The following SYN2 variants were observed in gnomAD, a reference collection of about 807,000 sequenced individuals.
The protein encoded by SYN2 is synapsin-2.
SYN2 carries 19 observed loss-of-function variants against 50.9 expected under a neutral mutation model. The ratio of observed to expected loss-of-function variants is 0.37; its 90% CI spans 0.26 to 0.55. The LOEUF (loss-of-function observed/expected upper bound fraction) is 0.55. Among genes scored for constraint, SYN2 ranks in the 20% least tolerant of loss-of-function variants. SYN2 has a pLI of 0.81. For missense variants in SYN2, 587 were observed against 576.4 expected, an observed-to-expected ratio of 1.02 and a Z score of -0.19; for synonymous variants, 255 against 224.9, an observed-to-expected ratio of 1.13 and a Z score of -1.20.
chr3:12,161,735 C>T, intron 6 of SYN2, 127 bp downstream of exon 6: 1 of 1,220,032 alleles, frequency 8.2e-7, no homozygotes, highest in Non-Finnish European at 1.2e-6. Flanking sequence ...GATGATTTGC[C>T]ACCTCTAAAG....
rs542356281 is a variant in SYN2 at position 12,139,581 on chromosome 3, G to C, written c.378-1070G>C. On this transcript the variant is annotated intron_variant, in intron 1 of 12. Transcript: ENST00000621198. ...GTCTCTGAAATGAAGCCCTTTCTCTGTATCTTATACGTTGTTAGGACTAAA... is the reference window on the plus strand; with the variant it reads ...GTCTCTGAAATGAAGCCCTTTCTCTCTATCTTATACGTTGTTAGGACTAAA... Among the ~76,000 whole-genome samples, 16 of 152,266 alleles carry C rather than the reference G, an allele frequency of 1.1e-4. No individual in the cohort carries two copies. The South Asian group carries it at 3.3e-3, about 32-fold the overall frequency.
chr3:12,080,226 A>G (rs556325076), intron 1 of SYN2, among the ~76,000 whole-genome samples: 54 of 148,816 alleles, frequency 3.6e-4, no homozygotes, highest in Non-Finnish European at 7.1e-4. Flanking sequence ...AGTCTATTTT[A>G]TGAATTTTTT....
At chr3:12,038,377 T>TAA (rs550261284) in intron 1 of SYN2, among the ~76,000 whole-genome samples, 18 of 152,246 alleles carry the variant, frequency 1.2e-4, no homozygotes, top group African/African-American at 4.3e-4. Context: ...TGTTGTTTTT[T>TAA]AAAAAAAAAC....
chr3:12,022,278 GTC>G (rs1055704265), intron 1 of SYN2, among the ~76,000 whole-genome samples: 8 of 152,074 alleles, frequency 5.3e-5, no homozygotes, highest in African/African-American at 1.9e-4. Flanking sequence ...ACACTGGATA[GTC>G]TCCTCCAAAT....
Position 12,104,570 on chromosome 3 carries a change from C to CTTTTTTTTTTTTT in SYN2, c.378-36071_378-36059dup, listed in dbSNP as rs796837275. Among the ~76,000 whole-genome samples, 14 of 81,714 alleles carry CTTTTTTTTTTTTT rather than the reference C, an allele frequency of 1.7e-4. 2 individuals are homozygous for CTTTTTTTTTTTTT. Among genetic ancestry groups the CTTTTTTTTTTTTT allele is most frequent in the African/African-American group, 3.5e-4 (7 of 19,818 alleles). The allele number at this position is 81,714 out of a possible 152,430, so 53.6% of individuals were successfully genotyped here. A position where few individuals can be genotyped will look rare whatever the true frequency, so the allele number is the denominator to read the frequency against. On this transcript the variant is annotated intron_variant, in intron 1 of 12. Coordinates refer to ENST00000621198, the MANE Select transcript of SYN2 (RefSeq NM_133625.6). ...ATGTGAAACATTTTTCTTTTCTTTT[C>CTTTTTTTTTTTTT]TTTTTTTTTTTTTTTTTTTTTTGAG...
intron 5 of SYN2, chr3:12,153,600 C>G (rs372552859): frequency 3.1e-6 from 5 of 1,613,968 alleles, no homozygotes; most frequent in South Asian, 1.1e-5. Flanking sequence ...ATGCTTCATA[C>G]AGACATAATG....
intron 1 of SYN2, among the ~76,000 whole-genome samples, chr3:12,052,597 A>G (rs769635698): frequency 2.0e-5 from 3 of 152,196 alleles, no homozygotes; most frequent in Non-Finnish European, 4.4e-5. Flanking sequence ...ACCATTGTAG[A>G]TCCCTGATCT....
intron 1 of SYN2, 42 bp downstream of exon 1, chr3:12,004,970 C>T: frequency 4.3e-6 from 2 of 470,542 alleles, no homozygotes; most frequent in Non-Finnish European, 3.7e-6. Context: ...CGGGGTCCGC[C>T]GGCAGCCGCA....
intron 11 of SYN2, 91 bp from the exon 12 acceptor site, chr3:12,187,278 A>G (rs1470736320): frequency 1.4e-6 from 2 of 1,437,382 alleles, no homozygotes; most frequent in African/African-American, 2.9e-5. Context: ...CCTTTGGGTA[A>G]TTAACTAACC....
intron 1 of SYN2, among the ~76,000 whole-genome samples, chr3:12,127,155 AGGCTAACC>A (rs1013789371): frequency 1.3e-5 from 2 of 152,226 alleles, no homozygotes; most frequent in Non-Finnish European, 2.9e-5. Flanking sequence ...CTAGGTTTTC[AGGCTAACC>A]AGCTTGAGTT....
chr3:12,166,775 G>T (rs1264794516), intron 7 of SYN2, among the ~76,000 whole-genome samples: 1 of 152,214 alleles, frequency 6.6e-6, no homozygotes, highest in African/African-American at 2.4e-5. Flanking sequence ...AATTCAGTTT[G>T]TATGTATCAA....
chr3:12,037,166 G>A lies in SYN2; in HGVS notation c.377+32238G>A, dbSNP rs1465389503. Among the ~76,000 whole-genome samples the A allele has an allele frequency of 3.9e-5, 6 of 152,138 alleles. 1 individual carries two copies. The East Asian group carries it at 7.7e-4, about 19-fold the overall frequency. On this transcript the variant is annotated intron_variant, in intron 1 of 12. Coordinates refer to ENST00000621198, the MANE Select transcript of SYN2 (RefSeq NM_133625.6). ...CTACATTCTGATTATGGCCACTTAA[G>A]TAATCCCTAAAAAGATTTAGGCTCT...
At chr3:12,156,900 T>C in intron 5 of SYN2, 5 of 1,614,166 alleles carry the variant, frequency 3.1e-6, no homozygotes, top group Non-Finnish European at 4.2e-6. Context: ...ATAGATATAC[T>C]GAACATCCTT....
chr3:12,012,295 C>CT (rs1320279384), intron 1 of SYN2, among the ~76,000 whole-genome samples: 1 of 151,828 alleles, frequency 6.6e-6, no homozygotes, highest in Non-Finnish European at 1.5e-5. Flanking sequence ...TTACTTGTAA[C>CT]TAATTAAGGA....
At chr3:12,108,687 A>G (rs981639318) in intron 1 of SYN2, among the ~76,000 whole-genome samples, 3 of 152,142 alleles carry the variant, frequency 2.0e-5, no homozygotes, top group Non-Finnish European at 4.4e-5. Context: ...AAGTCATCAG[A>G]TTCCACGGTG....
At chr3:12,042,060 A>AT (rs997228717) in intron 1 of SYN2, among the ~76,000 whole-genome samples, 15 of 152,050 alleles carry the variant, frequency 9.9e-5, no homozygotes, top group South Asian at 4.1e-4. Context: ...GTTGTTTTCT[A>AT]TTTTTTGTAT....
chr3:12,053,512 A>G (rs1694917462), intron 1 of SYN2, among the ~76,000 whole-genome samples: 1 of 152,138 alleles, frequency 6.6e-6, no homozygotes, highest in African/African-American at 2.4e-5. Context: ...ATAAATGTAC[A>G]CTTAGGTCTC....
chr3:12,040,164 G>A (rs868415949), intron 1 of SYN2, among the ~76,000 whole-genome samples: 1 of 152,172 alleles, frequency 6.6e-6, no homozygotes, highest in Non-Finnish European at 1.5e-5. Flanking sequence ...TCATTAACTA[G>A]GATTTGGTGA....
At chr3:12,183,164 G>C (rs1698260534) in intron 10 of SYN2, 148 bp from the exon 11 acceptor site, 2 of 1,148,092 alleles carry the variant, frequency 1.7e-6, no homozygotes, top group South Asian at 1.7e-5. Flanking sequence ...AGTGTTTCTG[G>C]AGCAGCAGAA....
Sources: allele counts gnomAD v4.1 joint callset (sites outside exome capture counted in the v4.1 genomes callset), GRCh38; gene constraint gnomAD v4.1.1; transcripts MANE v1.5; gene names NCBI Gene and HGNC (gene_info 2026-07-23, HGNC 2026-07-21).